Variants in MTF2 observed in about 807,000 individuals in gnomAD.
MTF2 encodes metal response element binding transcription factor 2.
Under a neutral mutation model 79.5 loss-of-function variants are expected in MTF2, and 11 were observed. The ratio of observed to expected loss-of-function variants is 0.14; its 90% CI spans 0.09 to 0.23. The LOEUF (loss-of-function observed/expected upper bound fraction) is 0.23. MTF2 is among the 10% of genes least tolerant of loss of function. MTF2 has a pLI of 1.00. For synonymous variants in MTF2, 208 were observed against 232.8 expected, an observed-to-expected ratio of 0.89 and a Z score of 0.97; for missense variants, 486 against 711.2, an observed-to-expected ratio of 0.68 and a Z score of 3.60.
At chr1:93,118,250 G>A (rs1656330823) in intron 6 of MTF2, 95 bp from the exon 7 acceptor site, 1 of 705,668 alleles carries the variant, frequency 1.4e-6, no homozygotes, top group Non-Finnish European at 2.2e-6. Flanking sequence ...ACAGTATTGT[G>A]GATTAGGCCA....
intron 9 of MTF2, 37 bp downstream of exon 9, chr1:93,120,709 A>G (rs773797736): frequency 1.9e-6 from 3 of 1,588,042 alleles, no homozygotes; most frequent in South Asian, 2.3e-5. Flanking sequence ...TAGCTACTTG[A>G]TGTCTTTTTT....
At chr1:93,135,184 C>G (rs146023515) in intron 14 of MTF2, among the ~76,000 whole-genome samples, 1 of 152,268 alleles carries the variant, frequency 6.6e-6, no homozygotes, top group East Asian at 1.9e-4. Context: ...GTTGGCCAGG[C>G]AGGTCTTGAA....
At chr1:93,084,862 G>A (rs532080095) in intron 1 of MTF2, among the ~76,000 whole-genome samples, 2 of 152,234 alleles carry the variant, frequency 1.3e-5, no homozygotes, top group African/African-American at 4.8e-5. Flanking sequence ...GGGTGACAGA[G>A]CAAGGCCCTG....
chr1:93,104,303 T>C (rs1429034925), intron 1 of MTF2, among the ~76,000 whole-genome samples: 1 of 152,158 alleles, frequency 6.6e-6, no homozygotes, highest in African/African-American at 2.4e-5. Flanking sequence ...AAAAGGTTGA[T>C]GTGTATTTGT....
At chr1:93,080,206 C>G (rs561570570) in intron 1 of MTF2, among the ~76,000 whole-genome samples, 7 of 152,140 alleles carry the variant, frequency 4.6e-5, no homozygotes, top group African/African-American at 1.7e-4. Flanking sequence ...TTAATTAAAC[C>G]TAACTCATAT....
intron 1 of MTF2, among the ~76,000 whole-genome samples, chr1:93,080,614 T>C: frequency 6.6e-6 from 1 of 152,240 alleles, no homozygotes; most frequent in Admixed American, 6.5e-5. Flanking sequence ...GCTAGAAATA[T>C]GTAAATAGTA....
intron 1 of MTF2, among the ~76,000 whole-genome samples, chr1:93,102,382 T>C (rs1439721180): frequency 6.6e-6 from 1 of 151,996 alleles, no homozygotes; most frequent in Non-Finnish European, 1.5e-5. Context: ...AGGGATTACT[T>C]GAGCTCAGGA....
At chr1:93,102,000 C>A (rs1487688841) in intron 1 of MTF2, among the ~76,000 whole-genome samples, 1 of 152,116 alleles carries the variant, frequency 6.6e-6, no homozygotes, top group African/African-American at 2.4e-5. Flanking sequence ...ACCTCTTTCT[C>A]CCTCCCCTCA....
chr1:93,106,559 G>A (rs545419615), intron 1 of MTF2, among the ~76,000 whole-genome samples: 11 of 139,486 alleles, frequency 7.9e-5, no homozygotes, highest in Non-Finnish European at 1.5e-4. Flanking sequence ...TGCTTTTGTT[G>A]CCCAGGCTGG....
At chr1:93,105,609 T>C (rs1407848453) in intron 1 of MTF2, among the ~76,000 whole-genome samples, 1 of 152,194 alleles carries the variant, frequency 6.6e-6, no homozygotes, top group African/African-American at 2.4e-5. Context: ...CCTGGCACAG[T>C]ATGTGGCTCA....
In MTF2 at chr1:93,138,505, C is replaced by G. The variant is rs1289150851; in HGVS notation, c.*1478C>G. 2 of 152,126 alleles carry G rather than the reference C, an allele frequency of 1.3e-5. No individual in the cohort carries two copies. Among genetic ancestry groups the G allele is most frequent in the Non-Finnish European group, 2.9e-5 (2 of 68,004 alleles). The allele number at this position is 152,126 out of a possible 1,614,324, so 9.4% of individuals were successfully genotyped here. A position where few individuals can be genotyped will look rare whatever the true frequency, so the allele number is the denominator to read the frequency against. On this transcript the variant is annotated 3_prime_UTR_variant, in exon 15 of 15. Coordinates refer to ENST00000370298, the MANE Select transcript of MTF2 (RefSeq NM_007358.4). The stretch of plus-strand genomic sequence containing the variant: ...ATTTGACTGTTTATAAAGAAAGTTG[C>G]TTTATTTCTTTAAACATCTTCAAAA...
intron 9 of MTF2, among the ~76,000 whole-genome samples, chr1:93,123,213 T>TC (rs1344116208): frequency 6.8e-6 from 1 of 147,478 alleles, no homozygotes; most frequent in East Asian, 1.9e-4. Flanking sequence ...GCTCTTTCTT[T>TC]TTTTTTTTTT....
chr1:93,131,511 A>C (rs116689641), intron 11 of MTF2, among the ~76,000 whole-genome samples: 2,313 of 152,240 alleles, frequency 0.015, 28 homozygotes, highest in Non-Finnish European at 0.024. Flanking sequence ...AGGCAGATTC[A>C]AAATAATAAC....
At chr1:93,097,932 G>C (rs1245012717) in intron 1 of MTF2, among the ~76,000 whole-genome samples, 3 of 152,008 alleles carry the variant, frequency 2.0e-5, no homozygotes, top group Non-Finnish European at 2.9e-5. Context: ...AGATTTATTT[G>C]GGTTCCCATC....
chr1:93,100,143 G>A (rs1221258887), intron 1 of MTF2, among the ~76,000 whole-genome samples: 1 of 152,108 alleles, frequency 6.6e-6, no homozygotes, highest in African/African-American at 2.4e-5. Flanking sequence ...CCTTCAGAAG[G>A]CATAGTTGAA....
At position 93,127,380 on chromosome 1, in the gene MTF2, G is replaced by A. The variant is rs1656742583; in HGVS notation, c.989+81G>A. On this transcript the variant is annotated intron_variant, in intron 10 of 14. Transcript: ENST00000370298. ...AATAATGGCATTGTTTAAGAATTGT[G>A]GGATTGATGTACAGAAGAAGTCTAT... 5 of 907,860 alleles carry A rather than the reference G, an allele frequency of 5.5e-6. No individual in the cohort carries two copies. The East Asian group carries it at 7.5e-5, about 14-fold the overall frequency. The allele number at this position is 907,860 out of a possible 1,614,324, so 56.2% of individuals were successfully genotyped here.
intron 1 of MTF2, among the ~76,000 whole-genome samples, chr1:93,087,025 G>A (rs548367882): frequency 2.6e-5 from 4 of 152,082 alleles, no homozygotes; most frequent in Admixed American, 6.5e-5. Flanking sequence ...TTATTTTTTC[G>A]TTCGGGACAC....
chr1:93,131,257 G>T, intron 11 of MTF2, among the ~76,000 whole-genome samples: 1 of 152,184 alleles, frequency 6.6e-6, no homozygotes, highest in East Asian at 1.9e-4. Flanking sequence ...ACAACCAAAA[G>T]AAAGGTAGTG....
chr1:93,111,496 G>A (rs1656025540), intron 3 of MTF2, among the ~76,000 whole-genome samples: 1 of 152,074 alleles, frequency 6.6e-6, no homozygotes, highest in Non-Finnish European at 1.5e-5. Context: ...TTTCTGCCAT[G>A]TTTTAGTTCT....
Sources: gnomAD v4.1 joint callset for allele counts (sites outside exome capture counted in the v4.1 genomes callset) on GRCh38, gnomAD v4.1.1 for gene constraint, MANE v1.5 for transcripts, NCBI Gene and HGNC (gene_info 2026-07-23, HGNC 2026-07-21) for gene names.